OTOG: variants seen among roughly 807,000 people sequenced by gnomAD.
OTOG encodes otogelin.
Under a neutral mutation model 313.8 loss-of-function variants are expected in OTOG, and 296 were observed. The observed-to-expected ratio is 0.94, with a 90% CI of 0.86 to 1.04. OTOG has a LOEUF of 1.04. OTOG is among the 50% of genes least tolerant of loss of function. The pLI is 0.00. For synonymous variants in OTOG, 1,533 were observed against 1,554.9 expected (o/e 0.99, Z 0.33); for missense variants, 3,948 against 3,840.1 (o/e 1.03, Z -0.74).
At chr11:17,632,299 C>A (rs1417002407) in intron 42 of OTOG, 73 bp downstream of exon 42, 43 of 1,459,052 alleles carry the variant, frequency 2.9e-5, no homozygotes, top group Non-Finnish European at 3.6e-5. Context: ...GGAAAAGGCT[C>A]CCGGCCCCAA....
In OTOG at chr11:17,573,188, C is replaced by T. The variant is rs1335824778; in HGVS notation, c.2191C>T (p.Arg731Cys). The T allele has an allele frequency of 6.4e-5, 98 of 1,540,316 alleles. No homozygotes were observed. The highest frequency in any genetic ancestry group is 8.2e-5 in the Non-Finnish European group (94 of 1,146,818). ...TGAGCAGTGCCGCAGGGATGCCTGCCGCTGCGGGCAGCCCTGCCTGTGCGC... is the reference window on the plus strand; with the variant it reads ...TGAGCAGTGCCGCAGGGATGCCTGCTGCTGCGGGCAGCCCTGCCTGTGCGC... ...YFEQCRRDAC[R>C]CGQPCLCATL... Residue 731 changes from arginine (R) to cysteine (C), a missense_variant, in exon 19 of 56, where the codon CGC becomes TGC. Transcript: ENST00000399397.
rs1167481339 is a variant in OTOG, at chr11:17,645,879, A to G, written c.8677A>G (p.Thr2893Ala). The G allele has an allele frequency of 1.3e-6, 2 of 1,550,486 alleles. No individual in the cohort carries two copies. Among genetic ancestry groups the G allele is most frequent in the African/African-American group, 2.7e-5 (2 of 73,024 alleles). ...GCGCTCTGTGCAGCTCTTCTGTGCC[A>G]CCAATGCCACCTGGGTGCCCTATAC... Reference protein sequence around the residue: ...QRRSVQLFCATNATWVPYTVQ... With the variant: ...QRRSVQLFCAANATWVPYTVQ... The change falls in exon 56 of 56, where the codon ACC becomes GCC. Residue 2893 changes from threonine to alanine, a missense_variant. Thr to Ala is a moderately conservative substitution (Grantham distance 58). Coordinates refer to ENST00000399397, the MANE Select transcript of OTOG (RefSeq NM_001292063.2).
In OTOG at chr11:17,612,726, G is replaced by A. The variant is rs1853592933; in HGVS notation, c.6399G>A (p.Met2133Ile). ...TCCTCAGCCAGAGCCCAGATGAAAT[G>A]CTCACCGTCCATGTACTGGACTGCA... ...IYILSQSPDE[M>I]LTVHVLDCKS... The change falls in exon 38 of 56, where the codon ATG becomes ATA. Residue 2133 changes from methionine (M) to isoleucine (I), a missense_variant. Physicochemically the swap from Met to Ile is conservative, Grantham distance 10 (BLOSUM62 1). Coordinates refer to ENST00000399397, the MANE Select transcript of OTOG (RefSeq NM_001292063.2). The A allele has an allele frequency of 8.4e-6, 13 of 1,550,594 alleles. No homozygotes were observed. Among genetic ancestry groups the A allele is most frequent in the Non-Finnish European group, 1.1e-5 (13 of 1,146,996 alleles).
chr11:17,573,183 C>A lies in OTOG; in HGVS notation c.2186C>A (p.Ala729Asp). ...VPYFEQCRRDACRCGQPCLCA... is the reference protein window; with the variant it reads ...VPYFEQCRRDDCRCGQPCLCA... ...TACTTTGAGCAGTGCCGCAGGGATGCCTGCCGCTGCGGGCAGCCCTGCCTG... is the reference window on the plus strand; with the variant it reads ...TACTTTGAGCAGTGCCGCAGGGATGACTGCCGCTGCGGGCAGCCCTGCCTG... Residue 729 changes from alanine (A) to aspartate (D), a missense_variant, in exon 19 of 56, where the codon GCC (alanine) becomes GAC (aspartate). By Grantham distance (126) the Ala-to-Asp change is moderately radical. Coordinates refer to ENST00000399397, the MANE Select transcript of OTOG (RefSeq NM_001292063.2). 1 of 1,541,016 alleles carries A rather than the reference C, an allele frequency of 6.5e-7. No homozygotes were observed. Among genetic ancestry groups the A allele is most frequent in the Non-Finnish European group, 8.7e-7 (1 of 1,146,842 alleles).
chr11:17,561,726 C>A lies in OTOG; in HGVS notation c.1563C>A (p.Pro521=). 1.3e-6 allele frequency: 2 copies of A among 1,550,508 alleles called. No homozygotes were observed. The highest frequency in any genetic ancestry group is 1.7e-6 in the Non-Finnish European group (2 of 1,146,960). The change falls in exon 15 of 56, where the codon CCC becomes CCA. Residue 521 remains proline, a synonymous_variant. Transcript: ENST00000399397. ...TTGATGGCCGCCGGTACACGTTCCC[C>A]GCCACATGTCAGTACATCCTGGCCA... The part of the protein sequence containing the change: ...TTFDGRRYTF[P]ATCQYILAKS...
In OTOG at chr11:17,640,787, G is replaced by A. The variant is rs1333800101; in HGVS notation, c.7978G>A (p.Glu2660Lys). The change falls in exon 50 of 56, where the codon GAG becomes AAG. Residue 2660 changes from glutamate (E) to lysine (K), a missense_variant. By Grantham distance (56) the Glu-to-Lys change is moderately conservative (BLOSUM62 1). Transcript: ENST00000399397. ...GGATGAGGAGTTCATGCACAGCGTG[G>A]AGAATGTGTGTGGCTGCGCCAAGTA... The part of the protein sequence containing the change: ...QLDEEFMHSV[E>K]NVCGCAKYEC... 1.3e-6 allele frequency: 2 copies of A among 1,550,192 alleles called. No homozygotes were observed. The highest frequency in any genetic ancestry group is 2.0e-5 in the Admixed American group (1 of 50,990).
chr11:17,569,169 C>A lies in OTOG; in HGVS notation c.1658C>A (p.Ala553Asp), dbSNP rs1176349136. Reference protein sequence around the residue: ...NAPCGLNQDGACVQSVSVILH... With the variant: ...NAPCGLNQDGDCVQSVSVILH... ...CTATCTCTCCAGAACCAAGATGGAG[C>A]CTGTGTCCAGTCAGTGTCAGTGATT... The change falls in exon 16 of 56, where the codon GCC (alanine) becomes GAC (aspartate). Residue 553 changes from alanine to aspartate, a missense_variant. Physicochemically the swap from Ala to Asp is moderately radical, Grantham distance 126. Transcript: ENST00000399397. 7 of 1,550,530 alleles carry A rather than the reference C, an allele frequency of 4.5e-6. No individual in the cohort carries two copies. The highest frequency in any genetic ancestry group is 3.9e-5 in the Admixed American group (2 of 50,980).
intron 22 of OTOG, 147 bp from the exon 23 acceptor site, chr11:17,578,226 T>A: frequency 7.2e-7 from 1 of 1,388,922 alleles, no homozygotes; most frequent in South Asian, 1.7e-5. Context: ...GAGGCGTATC[T>A]GGGAAACCAA....
In OTOG at chr11:17,612,243, C is replaced by A; in HGVS notation, c.6205C>A (p.Gln2069Lys). 6.5e-7 allele frequency: 1 copy of A among 1,548,148 alleles called. No individual in the cohort carries two copies. The change falls in exon 37 of 56, where the codon CAG (glutamine) becomes AAG (lysine). Residue 2069 changes from glutamine (Q) to lysine (K), a missense_variant. Coordinates refer to ENST00000399397, the MANE Select transcript of OTOG (RefSeq NM_001292063.2). ...CGTGAATCAGTCCCAGCACTGTCCC[C>A]AGGGTGCTGCTCCCCCTCGCTGTGG... ...IRVNQSQHCP[Q>K]GAAPPRCGIL...
rs1590062994 is a variant in OTOG at position 17,641,878 on chromosome 11, C to G, written c.8222C>G (p.Ala2741Gly). ...GAGTACGAGCACCCGCGGGACCTCG[C>G]TGCCTGCTGCGGCTCCTGCAGGAAC... ...NQEYEHPRDLAACCGSCRNVS... is the reference protein window; with the variant it reads ...NQEYEHPRDLGACCGSCRNVS... The change falls in exon 52 of 56, where the codon GCT (alanine) becomes GGT (glycine). Residue 2741 changes from alanine to glycine, a missense_variant. Ala to Gly is a moderately conservative substitution (Grantham distance 60). Transcript: ENST00000399397. The G allele has an allele frequency of 1.9e-6, 3 of 1,550,224 alleles. No homozygotes were observed. The East Asian group carries it at 7.3e-5, about 38-fold the overall frequency.
chr11:17,634,829 G>A lies in OTOG; in HGVS notation c.7481-15G>A, dbSNP rs1463759746. The A allele has an allele frequency of 1.3e-6, 2 of 1,546,424 alleles. No individual in the cohort carries two copies. Among genetic ancestry groups the A allele is most frequent in the Non-Finnish European group, 8.7e-7 (1 of 1,144,348 alleles). Reference sequence around the variant, plus strand: ...CCGGCCCCGAGGTGACAGGCCCTGTGGTCCCCGGGGCCAGTGTGTAACCAG... The same window carrying A: ...CCGGCCCCGAGGTGACAGGCCCTGTAGTCCCCGGGGCCAGTGTGTAACCAG... On this transcript the variant is annotated splice_polypyrimidine_tract_variant and intron_variant, in intron 44 of 55. Coordinates refer to ENST00000399397, the MANE Select transcript of OTOG (RefSeq NM_001292063.2).
At chr11:17,561,277 T>C in intron 14 of OTOG, 140 bp downstream of exon 14, 1 of 1,028,670 alleles carries the variant, frequency 9.7e-7, no homozygotes, top group Non-Finnish European at 1.4e-6. Flanking sequence ...CCCTGTTTCC[T>C]CAGAATCACT....
intron 30 of OTOG, among the ~76,000 whole-genome samples, chr11:17,598,970 G>A (rs2134069711): frequency 6.6e-6 from 1 of 152,340 alleles, no homozygotes; most frequent in Admixed American, 6.5e-5. Context: ...TATGTGTGAA[G>A]CATGCTGCTC....
At chr11:17,639,662 G>C (rs1055660197) in intron 49 of OTOG, among the ~76,000 whole-genome samples, 199 bp downstream of exon 49, 3 of 152,216 alleles carry the variant, frequency 2.0e-5, no homozygotes, top group African/African-American at 7.2e-5. Context: ...TCATGCTTTA[G>C]AGTTGTGGTA....
chr11:17,561,851 T>C, intron 15 of OTOG, 44 bp downstream of exon 15: 1 of 1,547,350 alleles, frequency 6.5e-7, no homozygotes. Context: ...CAGCTACTCC[T>C]GCCTACTGCC....
At position 17,599,711 on chromosome 11, in the gene OTOG, C is replaced by G. The variant is rs1853198823; in HGVS notation, c.3709+14C>G. 1 of 1,550,242 alleles carries G rather than the reference C, an allele frequency of 6.5e-7. No individual in the cohort carries two copies. The highest frequency in any genetic ancestry group is 8.7e-7 in the Non-Finnish European group (1 of 1,146,774). The stretch of plus-strand genomic sequence containing the variant: ...TCTTTAACAAAGGTAAGCCCCTCCT[C>G]CCCACGCAGAGTCTCAGGGGCTCAG... On this transcript the variant is annotated intron_variant, in intron 31 of 55. Transcript: ENST00000399397.
chr11:17,547,270 A>C lies in OTOG; in HGVS notation c.-103A>C. The C allele has an allele frequency of 3.1e-6, 3 of 979,202 alleles. No homozygotes were observed. The South Asian group carries it at 1.2e-4, about 39-fold the overall frequency. 60.7% of individuals were successfully genotyped at this position (979,202 alleles called of 1,614,324 possible). ...GGGAGCCCTGGGGCATGAGAACAAGAGGGACCTCGGCTGCGGAGTGGAGGT... is the reference window on the plus strand; with the variant it reads ...GGGAGCCCTGGGGCATGAGAACAAGCGGGACCTCGGCTGCGGAGTGGAGGT... On this transcript the variant is annotated 5_prime_UTR_variant, in exon 1 of 56. Coordinates refer to ENST00000399397, the MANE Select transcript of OTOG (RefSeq NM_001292063.2).
intron 15 of OTOG, among the ~76,000 whole-genome samples, chr11:17,567,041 T>C (rs1049572956): frequency 1.3e-5 from 2 of 152,194 alleles, no homozygotes; most frequent in African/African-American, 2.4e-5. Flanking sequence ...CTGGGTAGGA[T>C]TGGGTACAAC....
In OTOG at chr11:17,608,311, G is replaced by C; in HGVS notation, c.4172G>C (p.Gly1391Ala). 2.0e-6 allele frequency: 3 copies of C among 1,536,506 alleles called. No individual in the cohort carries two copies. Among genetic ancestry groups the C allele is most frequent in the Non-Finnish European group, 2.6e-6 (3 of 1,140,562 alleles). The change falls in exon 34 of 56, where the codon GGG (glycine) becomes GCG (alanine). Residue 1391 changes from glycine to alanine, a missense_variant. Gly to Ala is a moderately conservative substitution (Grantham distance 60). Transcript: ENST00000399397. ...LFRLLDAKPSGAAYPICEWRY... is the reference protein window; with the variant it reads ...LFRLLDAKPSAAAYPICEWRY... ...CACTTTCTAGATGCCAAGCCCTCGG[G>C]GGCTGCCTACCCCATCTGCGAGTGG...
Sources: allele counts gnomAD v4.1 joint callset (sites outside exome capture counted in the v4.1 genomes callset), GRCh38; gene constraint gnomAD v4.1.1; transcripts MANE v1.5; gene names NCBI Gene and HGNC (gene_info 2026-07-23, HGNC 2026-07-21).